Variants in PKNOX1 observed in about 807,000 individuals in gnomAD.
PKNOX1 encodes the protein PBX/knotted 1 homeobox 1.
PKNOX1 carries 15 observed loss-of-function variants against 51.9 expected under a neutral mutation model. The ratio of observed to expected loss-of-function variants is 0.29; its 90% CI spans 0.19 to 0.45. The LOEUF is 0.45. Ranked by LOEUF, PKNOX1 falls within the 20% of genes least tolerant of loss-of-function variation. The pLI is 1.00. For synonymous variants in PKNOX1, 219 were observed against 211.1 expected, an observed-to-expected ratio of 1.04 and a Z score of -0.32; for missense variants, 462 against 547.5, an observed-to-expected ratio of 0.84 and a Z score of 1.56.
chr21:43,028,856 G>C lies in PKNOX1; in HGVS notation c.1081G>C (p.Glu361Gln). 6.2e-7 allele frequency: 1 copy of C among 1,614,168 alleles called. No individual in the cohort carries two copies. Among genetic ancestry groups the C allele is most frequent in the South Asian group, 1.1e-5 (1 of 91,084 alleles). Reference protein sequence around the residue: ...ASGVAQPPPSELTMSEGAVVT... With the variant: ...ASGVAQPPPSQLTMSEGAVVT... ...AGGAGTCGCACAGCCACCGCCGAGC[G>C]AGCTCACCATGTCGGAAGGTACAGG... Residue 361 changes from glutamate (E) to glutamine (Q), a missense_variant, in exon 10 of 11, where the codon GAG (glutamate) becomes CAG (glutamine). Transcript: ENST00000291547.
chr21:43,011,438 C>T (rs234691), intron 4 of PKNOX1, among the ~76,000 whole-genome samples: 136,160 of 152,200 alleles, frequency 0.89, 61,035 homozygotes, highest in Non-Finnish European at 0.91. Context: ...CAAAATCCAG[C>T]GTTTTCTGTG....
Position 43,021,192 on chromosome 21 carries a change from T to C in PKNOX1, c.721-111T>C, listed in dbSNP as rs1436910558. The C allele has an allele frequency of 2.3e-6, 2 of 864,802 alleles. No individual in the cohort carries two copies. Among genetic ancestry groups the C allele is most frequent in the Non-Finnish European group, 3.5e-6 (2 of 564,148 alleles). 53.6% of individuals were successfully genotyped at this position (864,802 alleles called of 1,614,324 possible). On this transcript the variant is annotated intron_variant, in intron 7 of 10. Coordinates refer to ENST00000291547, the MANE Select transcript of PKNOX1 (RefSeq NM_004571.5). The surrounding 1 kb of genome is among the most constrained non-coding windows in gnomAD (Gnocchi z 4.6). ...AGGGTTCCCGTGCATGGGCCTCGAC[T>C]ACAATCATTTCCCTGTCCGATCCTT...
chr21:42,983,482 TA>T (rs2059036975), intron 1 of PKNOX1, among the ~76,000 whole-genome samples: 1 of 152,140 alleles, frequency 6.6e-6, no homozygotes, highest in Admixed American at 6.5e-5. Context: ...CCTTCCTTTT[TA>T]AGGCTGAATA....
At chr21:42,989,993 G>A (rs1007076559) in intron 1 of PKNOX1, among the ~76,000 whole-genome samples, 4 of 152,068 alleles carry the variant, frequency 2.6e-5, no homozygotes, top group Non-Finnish European at 5.9e-5. Flanking sequence ...CAGCTACTCC[G>A]GGGCTGAGGT....
chr21:43,012,883 C>A (rs941756049), intron 4 of PKNOX1, among the ~76,000 whole-genome samples, 185 bp from the exon 5 acceptor site: 1 of 152,224 alleles, frequency 6.6e-6, no homozygotes, highest in African/African-American at 2.4e-5. Context: ...TGCAGCCAAA[C>A]ACCAAAGCCC....
rs181687276 is a variant in PKNOX1, at chr21:42,987,680, G to A, written c.-57+13016G>A. On this transcript the variant is annotated intron_variant, in intron 1 of 10. Transcript: ENST00000291547. ...TTCACCCGGGCTGGAGTGCAGTGGC[G>A]CGATCTCGGCTCACTGCAAGCTCTG... Among the ~76,000 whole-genome samples the A allele has an allele frequency of 4.2e-3, 614 of 145,674 alleles. 4 individuals are homozygous for A. The highest frequency in any genetic ancestry group is 0.015 in the African/African-American group (577 of 39,254).
intron 9 of PKNOX1, among the ~76,000 whole-genome samples, chr21:43,025,630 G>C (rs1009285002): frequency 7.9e-5 from 12 of 152,222 alleles, no homozygotes; most frequent in African/African-American, 1.9e-4. Context: ...GCACTGAAGT[G>C]GGGGGTGGTC....
intron 1 of PKNOX1, among the ~76,000 whole-genome samples, chr21:42,994,485 C>T (rs949691652): frequency 1.3e-5 from 2 of 149,248 alleles, no homozygotes; most frequent in Non-Finnish European, 3.0e-5. Flanking sequence ...CTGTTTTAAC[C>T]AGTTTTGTTA....
At chr21:42,997,260 A>C (rs909514660) in intron 1 of PKNOX1, among the ~76,000 whole-genome samples, 1 of 152,134 alleles carries the variant, frequency 6.6e-6, no homozygotes, top group Non-Finnish European at 1.5e-5. Context: ...ACTCATTTTC[A>C]ACACTTCTCC....
At chr21:42,996,500 C>G (rs1251386849) in intron 1 of PKNOX1, among the ~76,000 whole-genome samples, 2 of 152,004 alleles carry the variant, frequency 1.3e-5, no homozygotes, top group Non-Finnish European at 2.9e-5. Context: ...AGTCCATCAT[C>G]CTTTAAGAAG....
At chr21:42,993,674 T>G (rs1483219451) in intron 1 of PKNOX1, among the ~76,000 whole-genome samples, 5 of 137,904 alleles carry the variant, frequency 3.6e-5, no homozygotes, top group African/African-American at 5.4e-5. Flanking sequence ...TTTTTTTTTT[T>G]GCTGTTACTG....
chr21:43,029,854 T>G (rs1378483114), intron 10 of PKNOX1, 36 bp from the exon 11 acceptor site: 1 of 1,569,006 alleles, frequency 6.4e-7, no homozygotes, highest in East Asian at 2.3e-5. Context: ...CTGTGAGTAC[T>G]AATTTAAATA....
chr21:42,977,474 CT>C (rs2059002944), intron 1 of PKNOX1, among the ~76,000 whole-genome samples: 1 of 149,328 alleles, frequency 6.7e-6, no homozygotes, highest in Non-Finnish European at 1.5e-5. Context: ...TCACCTTGTA[CT>C]TTCGTGTTAT....
At chr21:43,009,961 A>C in intron 3 of PKNOX1, 92 bp from the exon 4 acceptor site, 1 of 687,656 alleles carries the variant, frequency 1.5e-6, no homozygotes, top group Non-Finnish European at 2.3e-6. Context: ...CACCCAACAG[A>C]GGTGTTAGTG....
chr21:43,002,994 C>A (rs1480632180), intron 1 of PKNOX1, among the ~76,000 whole-genome samples: 1 of 152,228 alleles, frequency 6.6e-6, no homozygotes. Context: ...TGATTACAGG[C>A]GTGAGCCACT....
chr21:42,985,185 C>G (rs947427192), intron 1 of PKNOX1, among the ~76,000 whole-genome samples: 2 of 151,876 alleles, frequency 1.3e-5, no homozygotes, highest in African/African-American at 4.8e-5. Flanking sequence ...ACAGGTTTCA[C>G]CACGTTGGCC....
intron 1 of PKNOX1, among the ~76,000 whole-genome samples, chr21:42,978,040 C>T (rs1369629912): frequency 6.6e-6 from 1 of 151,902 alleles, no homozygotes; most frequent in Non-Finnish European, 1.5e-5. Context: ...TTTTTTGAGA[C>T]TATTGCCCAG....
At chr21:42,983,882 T>G (rs1038206660) in intron 1 of PKNOX1, among the ~76,000 whole-genome samples, 1 of 152,244 alleles carries the variant, frequency 6.6e-6, no homozygotes, top group Non-Finnish European at 1.5e-5. Flanking sequence ...GTTGTTGCTT[T>G]TTTTAATAGC....
chr21:43,002,197 A>T (rs1331628628), intron 1 of PKNOX1, among the ~76,000 whole-genome samples: 1 of 152,010 alleles, frequency 6.6e-6, no homozygotes, highest in Non-Finnish European at 1.5e-5. Context: ...CTCTACATGT[A>T]CTAACTATAC....
Sources: gnomAD v4.1 joint callset for allele counts (sites outside exome capture counted in the v4.1 genomes callset) on GRCh38, gnomAD v4.1.1 for gene constraint, Gnocchi (gnomAD v3.1) non-coding constraint, MANE v1.5 for transcripts, NCBI Gene and HGNC (gene_info 2026-07-23, HGNC 2026-07-21) for gene names.